The following DENND4A variants were observed in gnomAD, a reference collection of about 807,000 sequenced individuals.
The protein encoded by DENND4A is DENN domain containing 4A, also known as C-myc promoter-binding protein.
DENND4A carries 70 observed loss-of-function variants against 199.3 expected under a neutral mutation model. The ratio of observed to expected loss-of-function variants is 0.35; its 90% confidence interval spans 0.29 to 0.43. The LOEUF is 0.43. Ranked by LOEUF, DENND4A falls within the 20% of genes least tolerant of loss-of-function variation. The pLI is 1.00. For missense variants in DENND4A, 1,723 were observed against 2,255.8 expected (o/e 0.76, Z 4.78); for synonymous variants, 686 against 766.9 (o/e 0.89, Z 1.74).
chr15:65,716,907 G>A (rs1321444865), intron 13 of DENND4A, among the ~76,000 whole-genome samples: 1 of 152,058 alleles, frequency 6.6e-6, no homozygotes. Flanking sequence ...TCCAGCACCT[G>A]TTGTTTCCTG....
intron 1 of DENND4A, among the ~76,000 whole-genome samples, chr15:65,789,905 C>G (rs1228279861): frequency 6.6e-6 from 1 of 152,152 alleles, no homozygotes; most frequent in Non-Finnish European, 1.5e-5. Context: ...CCTGTAATCT[C>G]AGCACTTTGG....
intron 23 of DENND4A, among the ~76,000 whole-genome samples, chr15:65,690,017 T>C (rs1406897941): frequency 6.6e-6 from 1 of 152,148 alleles, no homozygotes; most frequent in Non-Finnish European, 1.5e-5. Flanking sequence ...TAGGGGAAGG[T>C]ATGTAAGTCT....
chr15:65,688,244 ATTTAT>A (rs557332339), intron 23 of DENND4A, among the ~76,000 whole-genome samples: 373 of 152,210 alleles, frequency 2.5e-3, no homozygotes, highest in African/African-American at 8.1e-3. Context: ...TCTTGCTAGA[ATTTAT>A]TTTAATTTAT....
At chr15:65,767,790 T>C (rs978120595) in intron 1 of DENND4A, among the ~76,000 whole-genome samples, 1 of 152,044 alleles carries the variant, frequency 6.6e-6, no homozygotes, top group African/African-American at 2.4e-5. Context: ...TTAAAACATA[T>C]ATATTAAAGT....
intron 2 of DENND4A, among the ~76,000 whole-genome samples, chr15:65,759,315 A>G (rs1596628150): frequency 6.6e-6 from 1 of 152,256 alleles, no homozygotes; most frequent in East Asian, 1.9e-4. Flanking sequence ...CATTTCTACT[A>G]AAAATAACAA....
chr15:65,726,430 A>C (rs1416935820), intron 11 of DENND4A, among the ~76,000 whole-genome samples: 1 of 152,250 alleles, frequency 6.6e-6, no homozygotes, highest in Non-Finnish European at 1.5e-5. Flanking sequence ...TAAAAGTATT[A>C]AACAGTTCTG....
chr15:65,780,324 A>G (rs2077405522), intron 1 of DENND4A, among the ~76,000 whole-genome samples: 1 of 152,232 alleles, frequency 6.6e-6, no homozygotes, highest in Non-Finnish European at 1.5e-5. Context: ...AGGCTAGTTA[A>G]ATGCTACAGT....
chr15:65,672,123 C>A (rs2076236957), intron 24 of DENND4A, among the ~76,000 whole-genome samples: 1 of 152,120 alleles, frequency 6.6e-6, no homozygotes, highest in Non-Finnish European at 1.5e-5. Flanking sequence ...TTAGGTGTGT[C>A]CACTCATTAC....
intron 22 of DENND4A, among the ~76,000 whole-genome samples, chr15:65,692,423 T>TC (rs750439411): frequency 4.6e-5 from 7 of 152,174 alleles, no homozygotes; most frequent in Non-Finnish European, 8.8e-5. Context: ...TATGTGGGAG[T>TC]CCTCTAAAGC....
rs374052475 is a variant in DENND4A, at chr15:65,741,808, T to C, written c.562-24A>G. ...CACTGGATTTAAAAAAATAGAAATA[T>C]CATTTAATTTTTAAAAGGTAGGAAC... On this transcript the variant is annotated intron_variant, in intron 4 of 32. Coordinates refer to ENST00000443035, the MANE Select transcript of DENND4A (RefSeq NM_001320835.1). The C allele has an allele frequency of 6.3e-5, 100 of 1,579,154 alleles. No homozygotes were observed. The East Asian group carries it at 1.4e-3, about 22-fold the overall frequency.
At chr15:65,676,137 G>GAAAAAA (rs929892402) in intron 24 of DENND4A, among the ~76,000 whole-genome samples, 1 of 96,822 alleles carries the variant, frequency 1.0e-5, no homozygotes, top group African/African-American at 3.7e-5. Flanking sequence ...AAGTAATAAG[G>GAAAAAA]AAAAATATAT....
chr15:65,702,336 A>AT lies in DENND4A; in HGVS notation c.2398dup (p.Met800AsnfsTer10), dbSNP rs1357755013. On this transcript the variant is annotated frameshift_variant, in exon 17 of 33. Coordinates refer to ENST00000443035, the MANE Select transcript of DENND4A (RefSeq NM_001320835.1). LOFTEE classifies it high-confidence loss of function. The stretch of plus-strand genomic sequence containing the variant: ...AGGTGGATCCATCTTCTTTGACTGC[A>AT]TTTTTTTAAGCACATCATATGCTGT... The AT allele has an allele frequency of 6.4e-7, 1 of 1,552,312 alleles. No individual in the cohort carries two copies. Among genetic ancestry groups the AT allele is most frequent in the Non-Finnish European group, 8.7e-7 (1 of 1,147,208 alleles).
chr15:65,731,525 T>G, intron 9 of DENND4A, 117 bp downstream of exon 9: 1 of 802,704 alleles, frequency 1.2e-6, no homozygotes, highest in Non-Finnish European at 2.1e-6. Context: ...TTTAGAGAAG[T>G]AGTAGTTAAA....
At chr15:65,698,310 A>G (rs1286964473) in intron 20 of DENND4A, among the ~76,000 whole-genome samples, 1 of 148,148 alleles carries the variant, frequency 6.8e-6, no homozygotes, top group Non-Finnish European at 1.5e-5. Context: ...AAATTTTCTA[A>G]TACACTGTGT....
chr15:65,740,124 T>C (rs1192029791), intron 5 of DENND4A, among the ~76,000 whole-genome samples: 1 of 151,992 alleles, frequency 6.6e-6, no homozygotes, highest in Non-Finnish European at 1.5e-5. Context: ...GAGGTTGCAG[T>C]GAGCCAAGAT....
In DENND4A at chr15:65,767,543, G is replaced by C. The variant is rs373395352; in HGVS notation, c.-101-6105C>G. The stretch of plus-strand genomic sequence containing the variant: ...TTGCAGCCTCAAACTCCTGGGCCAA[G>C]CAATTCTCCTACCTTGCCTCCCATA... On this transcript the variant is annotated intron_variant, in intron 1 of 32. Transcript: ENST00000443035. 25 of 152,278 alleles carry C rather than the reference G, an allele frequency of 1.6e-4. 2 individuals carry two copies. Among genetic ancestry groups the C allele is most frequent in the African/African-American group, 6.0e-4 (25 of 41,558 alleles). The allele number at this position is 152,278 out of a possible 1,614,324, so 9.4% of individuals were successfully genotyped here. A position where few individuals can be genotyped will look rare whatever the true frequency, so the allele number is the denominator to read the frequency against.
chr15:65,741,872 T>G lies in DENND4A; in HGVS notation c.562-88A>C, dbSNP rs1288602710. 3 of 968,846 alleles carry G rather than the reference T, an allele frequency of 3.1e-6. No homozygotes were observed. The African/African-American group carries it at 5.0e-5, about 16-fold the overall frequency. 60.0% of individuals were successfully genotyped at this position (968,846 alleles called of 1,614,324 possible). A position where few individuals can be genotyped will look rare whatever the true frequency, so the allele number is the denominator to read the frequency against. On this transcript the variant is annotated intron_variant, in intron 4 of 32. Transcript: ENST00000443035. ...ATCTCTTTGAGCTCTCTAGTATGTA[T>G]TATCTAATATGTAGTAACAAATTTC...
intron 1 of DENND4A, among the ~76,000 whole-genome samples, chr15:65,762,823 T>C (rs1028166868): frequency 1.3e-5 from 2 of 152,188 alleles, no homozygotes; most frequent in African/African-American, 4.8e-5. Context: ...TAAGTATATG[T>C]GGATTTTGGT....
chr15:65,726,729 G>A (rs577482529), intron 11 of DENND4A, among the ~76,000 whole-genome samples: 1 of 152,256 alleles, frequency 6.6e-6, no homozygotes, highest in Admixed American at 6.5e-5. Context: ...GCCGAGGCAG[G>A]CAGATCACCT....
Sources: gnomAD v4.1 joint callset for allele counts (sites outside exome capture counted in the v4.1 genomes callset) on GRCh38, gnomAD v4.1.1 for gene constraint, MANE v1.5 for transcripts, NCBI Gene and HGNC (gene_info 2026-07-23, HGNC 2026-07-21) for gene names.